PPFIA2: variants seen among roughly 807,000 people sequenced by gnomAD.
The protein encoded by PPFIA2 is liprin-alpha-2.
PPFIA2 carries 46 observed loss-of-function variants against 175.5 expected under a neutral mutation model. The ratio of observed to expected loss-of-function variants is 0.26; its 90% CI spans 0.21 to 0.34. The LOEUF (loss-of-function observed/expected upper bound fraction) is 0.34, where lower values mean the gene tolerates loss of function less well. Ranked by LOEUF, PPFIA2 falls within the 10% of genes least tolerant of loss-of-function variation. The pLI is 1.00. For missense variants in PPFIA2, 1,179 were observed against 1,506.1 expected, an observed-to-expected ratio of 0.78 and a Z score of 3.60; for synonymous variants, 568 against 511.4, an observed-to-expected ratio of 1.11 and a Z score of -1.49.
At chr12:81,674,779 A>C (rs1237579509) in intron 4 of PPFIA2, among the ~76,000 whole-genome samples, 1 of 152,040 alleles carries the variant, frequency 6.6e-6, no homozygotes, top group Non-Finnish European at 1.5e-5. Context: ...GGAGGCAAAA[A>C]CAATAGCTTC....
chr12:81,639,067 T>C (rs2064564910), intron 4 of PPFIA2, among the ~76,000 whole-genome samples: 1 of 152,204 alleles, frequency 6.6e-6, no homozygotes, highest in Non-Finnish European at 1.5e-5. Flanking sequence ...GTCCTGTCAC[T>C]TTTCTTTTCC....
intron 4 of PPFIA2, among the ~76,000 whole-genome samples, chr12:81,507,384 A>G (rs2061289822): frequency 1.3e-5 from 2 of 151,642 alleles, no homozygotes; most frequent in Non-Finnish European, 2.9e-5. Flanking sequence ...ATGAGCTTGA[A>G]ATTGTATATA....
At chr12:81,313,273 T>C (rs1189205663) in intron 22 of PPFIA2, among the ~76,000 whole-genome samples, 1 of 152,120 alleles carries the variant, frequency 6.6e-6, no homozygotes. Flanking sequence ...TCATAAAACA[T>C]GTTCAATATA....
chr12:81,576,844 T>G (rs543392338), intron 4 of PPFIA2, among the ~76,000 whole-genome samples: 1 of 151,948 alleles, frequency 6.6e-6, no homozygotes, highest in South Asian at 2.1e-4. Context: ...TCCCTGTATT[T>G]TTTTTGGAGG....
chr12:81,422,138 GTGTATATATATGTGTGTA>G (rs1566759237), intron 7 of PPFIA2, among the ~76,000 whole-genome samples: 1,118 of 83,568 alleles, frequency 0.013, 10 homozygotes, highest in Middle Eastern at 0.021. Context: ...GTATATATAT[GTGTATATATATGTGTGTA>G]TATATATATA....
At chr12:81,582,256 G>A (rs1010705302) in intron 4 of PPFIA2, among the ~76,000 whole-genome samples, 1 of 151,816 alleles carries the variant, frequency 6.6e-6, no homozygotes, top group Admixed American at 6.6e-5. Context: ...TCTTGCTTTT[G>A]AATAGATGGA....
chr12:81,452,322 C>T (rs1323343558), intron 5 of PPFIA2, among the ~76,000 whole-genome samples: 1 of 152,136 alleles, frequency 6.6e-6, no homozygotes, highest in Admixed American at 6.5e-5. Flanking sequence ...GGCACTGAAA[C>T]AGAAACACAT....
At chr12:81,667,059 G>T (rs930396585) in intron 4 of PPFIA2, among the ~76,000 whole-genome samples, 1 of 151,942 alleles carries the variant, frequency 6.6e-6, no homozygotes, top group Non-Finnish European at 1.5e-5. Flanking sequence ...AATTATTTTG[G>T]AAACTTTCCT....
chr12:81,343,259 C>A (rs954579739), intron 19 of PPFIA2, among the ~76,000 whole-genome samples: 23 of 152,202 alleles, frequency 1.5e-4, no homozygotes, highest in African/African-American at 5.3e-4. Flanking sequence ...TATGTTGTTA[C>A]TTCCTGAATT....
intron 21 of PPFIA2, among the ~76,000 whole-genome samples, chr12:81,338,493 C>T (rs756802259): frequency 6.6e-6 from 1 of 152,012 alleles, no homozygotes; most frequent in Non-Finnish European, 1.5e-5. Context: ...CTATTAGTCA[C>T]TGACAATAAC....
chr12:81,561,469 G>A (rs1166999567), intron 4 of PPFIA2, among the ~76,000 whole-genome samples: 1 of 152,118 alleles, frequency 6.6e-6, no homozygotes, highest in Non-Finnish European at 1.5e-5. Flanking sequence ...AATGAGGTAA[G>A]TGTAGAGATT....
At chr12:81,369,479 T>C in intron 11 of PPFIA2, 1 of 1,230,780 alleles carries the variant, frequency 8.1e-7, no homozygotes, top group South Asian at 1.6e-5. Flanking sequence ...AAACCTGCCA[T>C]TGTCCAATCT....
rs753921484 is a variant in PPFIA2 at position 81,267,028 on chromosome 12, C to T, written c.3487-8G>A. The stretch of plus-strand genomic sequence containing the variant: ...TTCAAGAATCTGCCTTGCCTGTTGA[C>T]GTCAAATTACAGTTACCATCACCGA... On this transcript the variant is annotated splice_region_variant and splice_polypyrimidine_tract_variant and intron_variant, in intron 29 of 32. Coordinates refer to ENST00000549396, the MANE Select transcript of PPFIA2 (RefSeq NM_003625.5). 1.0e-5 allele frequency: 16 copies of T among 1,606,556 alleles called. No individual in the cohort carries two copies. Among genetic ancestry groups the T allele is most frequent in the Admixed American group, 3.3e-5 (2 of 59,754 alleles).
chr12:81,425,436 C>T (rs1402243553), intron 7 of PPFIA2, among the ~76,000 whole-genome samples: 1 of 152,180 alleles, frequency 6.6e-6, no homozygotes, highest in Non-Finnish European at 1.5e-5. Context: ...CCTCCACCTC[C>T]CAGGTTCAAG....
chr12:81,452,002 T>G (rs2052674540), intron 5 of PPFIA2, among the ~76,000 whole-genome samples: 1 of 152,140 alleles, frequency 6.6e-6, no homozygotes, highest in Non-Finnish European at 1.5e-5. Flanking sequence ...CTCAAAGGAT[T>G]GTAGAGACTA....
intron 3 of PPFIA2, among the ~76,000 whole-genome samples, chr12:81,738,175 C>T (rs1289582867): frequency 6.6e-6 from 1 of 151,244 alleles, no homozygotes; most frequent in African/African-American, 2.4e-5. Flanking sequence ...CCTGCCTTCT[C>T]AACAGCAACA....
intron 21 of PPFIA2, among the ~76,000 whole-genome samples, chr12:81,329,380 C>T (rs924015004): frequency 6.6e-6 from 1 of 152,152 alleles, no homozygotes; most frequent in Non-Finnish European, 1.5e-5. Context: ...GTTTTCTTGG[C>T]TATCACTCAG....
intron 7 of PPFIA2, among the ~76,000 whole-genome samples, chr12:81,437,322 A>C (rs944143340): frequency 5.9e-5 from 9 of 152,030 alleles, no homozygotes; most frequent in Non-Finnish European, 7.4e-5. Context: ...CTCTGCCTCC[A>C]GGGTTCACGC....
At chr12:81,514,420 C>A (rs991880085) in intron 4 of PPFIA2, among the ~76,000 whole-genome samples, 1 of 151,900 alleles carries the variant, frequency 6.6e-6, no homozygotes, top group Admixed American at 6.6e-5. Flanking sequence ...ATGACAACAC[C>A]TGTAACTTTT....
Sources: gnomAD v4.1 joint callset for allele counts (sites outside exome capture counted in the v4.1 genomes callset) on GRCh38, gnomAD v4.1.1 for gene constraint, MANE v1.5 for transcripts, NCBI Gene and HGNC (gene_info 2026-07-23, HGNC 2026-07-21) for gene names.